The following BCL11A variants were observed in gnomAD, a reference collection of about 807,000 sequenced individuals.
BCL11A encodes B cell CLL/lymphoma 11A.
In BCL11A, 2 loss-of-function variants were observed where a neutral mutation model predicts 55.9. The observed-to-expected ratio is 0.04, with a 90% CI of 0.01 to 0.11. BCL11A has a LOEUF of 0.11. Ranked by LOEUF, BCL11A falls within the 10% of genes least tolerant of loss-of-function variation. BCL11A has a pLI of 1.00. For missense variants in BCL11A, 817 were observed against 1,137.1 expected, an observed-to-expected ratio of 0.72 and a Z score of 4.05; for synonymous variants, 465 against 473.4, an observed-to-expected ratio of 0.98 and a Z score of 0.23.
intron 3 of BCL11A, among the ~76,000 whole-genome samples, chr2:60,467,034 C>T (rs1376284955): frequency 4.0e-5 from 6 of 151,412 alleles, no homozygotes; most frequent in African/African-American, 1.5e-4. Context: ...ATGGTCCCTA[C>T]TATAAAAGCT....
At chr2:60,452,785 C>T, downstream of BCL11A, 3 of 719,600 alleles carry the variant, frequency 4.2e-6, no homozygotes, top group South Asian at 1.8e-5. Context: ...AACCACAGGT[C>T]GAGCCACTGG....
chr2:60,483,473 C>T (rs1483770060), intron 2 of BCL11A, among the ~76,000 whole-genome samples: 1 of 152,212 alleles, frequency 6.6e-6, no homozygotes, highest in Non-Finnish European at 1.5e-5. Flanking sequence ...AGCTGCAGTC[C>T]CTTTAGCCCC....
At position 60,459,787 on chromosome 2, in the gene BCL11A, G is replaced by A; in HGVS notation, c.*617C>T. 9.6e-7 allele frequency: 1 copy of A among 1,042,946 alleles called. No individual in the cohort carries two copies. The highest frequency in any genetic ancestry group is 1.2e-6 in the Non-Finnish European group (1 of 865,110). 64.6% of individuals were successfully genotyped at this position (1,042,946 alleles called of 1,614,324 possible). A position where few individuals can be genotyped will look rare whatever the true frequency, so the allele number is the denominator to read the frequency against. ...TCCAATTGATACATTTAACCCTTTA[G>A]AGACAGACATTTAGCTCATAGAGAT... is the stretch of plus-strand genomic sequence containing the variant. On this transcript the variant is annotated 3_prime_UTR_variant, in exon 4 of 4. Coordinates refer to ENST00000642384, the MANE Select transcript of BCL11A (RefSeq NM_022893.4).
At chr2:60,511,076 CTG>C (rs1417088427) in intron 2 of BCL11A, among the ~76,000 whole-genome samples, 1 of 152,214 alleles carries the variant, frequency 6.6e-6, no homozygotes, top group African/African-American at 2.4e-5. Flanking sequence ...TCCAGGCACA[CTG>C]AGATGCCCAT....
intron 3 of BCL11A, among the ~76,000 whole-genome samples, chr2:60,468,424 A>T (rs1677012689): frequency 6.6e-6 from 1 of 152,136 alleles, no homozygotes. Context: ...CCAGTAATAA[A>T]ATGGGCTCCA....
intron 2 of BCL11A, chr2:60,524,649 T>C (rs1308586235): frequency 6.6e-6 from 1 of 152,160 alleles, no homozygotes; most frequent in Non-Finnish European, 1.5e-5. Flanking sequence ...TTATTGAAGC[T>C]ATAGATCTCA....
intron 2 of BCL11A, among the ~76,000 whole-genome samples, chr2:60,509,708 A>G (rs1679875378): frequency 6.6e-6 from 1 of 152,194 alleles, no homozygotes; most frequent in Non-Finnish European, 1.5e-5. Flanking sequence ...GGCCCTCCCC[A>G]AAGAACTCGA....
At chr2:60,488,159 G>A (rs758231357) in intron 2 of BCL11A, among the ~76,000 whole-genome samples, 2 of 152,310 alleles carry the variant, frequency 1.3e-5, no homozygotes, top group Non-Finnish European at 2.9e-5. Context: ...GCTGTTCAAA[G>A]AGTGTTTCTT....
At chr2:60,528,904 AG>A (rs2104615228) in intron 2 of BCL11A, among the ~76,000 whole-genome samples, 1 of 152,336 alleles carries the variant, frequency 6.6e-6, no homozygotes, top group South Asian at 2.1e-4. Flanking sequence ...CTATGAGGTA[AG>A]GGACCTTGAG....
At chr2:60,530,341 A>AG (rs1459907320) in intron 2 of BCL11A, among the ~76,000 whole-genome samples, 1 of 150,962 alleles carries the variant, frequency 6.6e-6, no homozygotes, top group African/African-American at 2.4e-5. Context: ...TTAAAAAAAA[A>AG]AAAAAAAAAG....
intron 3 of BCL11A, among the ~76,000 whole-genome samples, chr2:60,465,015 G>A (rs185929718): frequency 6.6e-6 from 1 of 152,192 alleles, no homozygotes; most frequent in African/African-American, 2.4e-5. Flanking sequence ...GGGCTGTTAC[G>A]ATTGAGACTA....
chr2:60,467,996 G>GTACTTTGTGGTGATGGTGA (rs1363558577), intron 3 of BCL11A, among the ~76,000 whole-genome samples: 1 of 129,964 alleles, frequency 7.7e-6, no homozygotes, highest in South Asian at 2.4e-4. Context: ...GGTGGTAATG[G>GTACTTTGTGGTGATGGTGA]TGGTGGTGGT....
intron 3 of BCL11A, among the ~76,000 whole-genome samples, chr2:60,466,011 G>A (rs140189852): frequency 3.8e-4 from 58 of 152,256 alleles, no homozygotes; most frequent in African/African-American, 1.2e-3. Flanking sequence ...GGTTAATGCC[G>A]CCAAGTGGAA....
chr2:60,507,381 G>A (rs1197980390), intron 2 of BCL11A, among the ~76,000 whole-genome samples: 2 of 109,280 alleles, frequency 1.8e-5, no homozygotes, highest in African/African-American at 5.6e-5. Flanking sequence ...AGGGAAGGGA[G>A]GGAGGGAAGG....
intron 1 of BCL11A, chr2:60,549,854 T>A (rs1300384546): frequency 6.6e-6 from 1 of 152,300 alleles, no homozygotes. Context: ...CTTACACTTT[T>A]TACTTTGGGG....
intron 2 of BCL11A, among the ~76,000 whole-genome samples, chr2:60,507,306 G>A (rs192806226): frequency 0.021 from 24 of 1,146 alleles, 7 homozygotes; most frequent in East Asian, 0.071. Context: ...GGGGAGGGGA[G>A]GGGAGGGGAG....
chr2:60,526,954 G>A (rs1205858873), intron 2 of BCL11A: 5 of 152,332 alleles, frequency 3.3e-5, no homozygotes, highest in Admixed American at 6.5e-5. Context: ...TTTCAATCAG[G>A]TTGAAGTAGA....
At chr2:60,454,654 A>G (rs535408835), downstream of BCL11A, among the ~76,000 whole-genome samples, 3 of 152,306 alleles carry the variant, frequency 2.0e-5, no homozygotes, top group East Asian at 5.8e-4. Context: ...CTCTGTGAGC[A>G]AAGTACTACA....
chr2:60,492,234 G>T (rs560267480), intron 2 of BCL11A, among the ~76,000 whole-genome samples: 1 of 152,250 alleles, frequency 6.6e-6, no homozygotes, highest in South Asian at 2.1e-4. Context: ...AGGCATGGTG[G>T]CATGCACCTG....
Sources: allele counts gnomAD v4.1 joint callset (sites outside exome capture counted in the v4.1 genomes callset), GRCh38; gene constraint gnomAD v4.1.1; transcripts MANE v1.5; gene names NCBI Gene and HGNC (gene_info 2026-07-23, HGNC 2026-07-21).